The following CNTN6 variants were observed in gnomAD, a reference collection of about 807,000 sequenced individuals.
CNTN6 encodes the protein contactin 6.
In CNTN6, 137 loss-of-function variants were observed where a neutral mutation model predicts 122.8. The ratio of observed to expected loss-of-function variants is 1.12; its 90% CI spans 0.97 to 1.29. CNTN6 has a LOEUF of 1.29. Among genes scored for constraint, CNTN6 ranks in the 50% most tolerant of loss-of-function variants. CNTN6 has a pLI of 0.00. For synonymous variants in CNTN6, 570 were observed against 426.0 expected, an observed-to-expected ratio of 1.34 and a Z score of -4.16; for missense variants, 1,634 against 1,223.4, an observed-to-expected ratio of 1.34 and a Z score of -5.01.
intron 1 of CNTN6, among the ~76,000 whole-genome samples, chr3:1,122,305 T>C (rs1231980711): frequency 1.1e-5 from 1 of 88,894 alleles, no homozygotes; most frequent in Non-Finnish European, 2.3e-5. Context: ...GAGAAATAAA[T>C]AAAGGAAAAA....
chr3:1,316,721 G>C (rs957763784), intron 7 of CNTN6, among the ~76,000 whole-genome samples: 1 of 150,294 alleles, frequency 6.7e-6, no homozygotes. Flanking sequence ...AAACCTTATT[G>C]TAATTGTTAT....
At chr3:1,196,281 A>G (rs1011629655) in intron 2 of CNTN6, among the ~76,000 whole-genome samples, 1 of 151,918 alleles carries the variant, frequency 6.6e-6, no homozygotes, top group Non-Finnish European at 1.5e-5. Flanking sequence ...GAAAACCTTC[A>G]GCATAGTGGC....
At chr3:1,263,692 G>C (rs1212554587) in intron 4 of CNTN6, among the ~76,000 whole-genome samples, 1 of 151,986 alleles carries the variant, frequency 6.6e-6, no homozygotes, top group Non-Finnish European at 1.5e-5. Flanking sequence ...TATTAAACAT[G>C]TTCTTGTTGA....
intron 11 of CNTN6, among the ~76,000 whole-genome samples, chr3:1,330,625 A>T (rs899113735): frequency 2.0e-5 from 3 of 151,918 alleles, no homozygotes; most frequent in African/African-American, 7.2e-5. Context: ...CTCTATAATC[A>T]GATATGCAAT....
intron 1 of CNTN6, among the ~76,000 whole-genome samples, chr3:1,146,890 G>C (rs2092734507): frequency 6.6e-6 from 1 of 152,034 alleles, no homozygotes; most frequent in Admixed American, 6.6e-5. Flanking sequence ...GAAAAACATT[G>C]ACTCAATACC....
intron 2 of CNTN6, among the ~76,000 whole-genome samples, chr3:1,179,092 G>A (rs1293276245): frequency 6.6e-6 from 1 of 152,104 alleles, no homozygotes; most frequent in African/African-American, 2.4e-5. Context: ...ATGGGAGCAG[G>A]AGCATCACAT....
chr3:1,336,533 T>C (rs994897137), intron 11 of CNTN6, among the ~76,000 whole-genome samples: 3 of 152,138 alleles, frequency 2.0e-5, no homozygotes, highest in Admixed American at 6.6e-5. Context: ...CTGGACTCTC[T>C]GGAAACCAAT....
At chr3:1,223,054 A>G (rs2094230186) in intron 3 of CNTN6, among the ~76,000 whole-genome samples, 1 of 152,222 alleles carries the variant, frequency 6.6e-6, no homozygotes, top group Non-Finnish European at 1.5e-5. Context: ...TTCAGTTTTA[A>G]TATGACCCTT....
intron 11 of CNTN6, among the ~76,000 whole-genome samples, chr3:1,351,128 G>C (rs1705565519): frequency 3.3e-5 from 5 of 151,850 alleles, no homozygotes; most frequent in African/African-American, 1.2e-4. Flanking sequence ...ACAGAATTTG[G>C]AATCTGTTAT....
At chr3:1,260,688 A>T (rs933579921) in intron 4 of CNTN6, among the ~76,000 whole-genome samples, 2 of 152,040 alleles carry the variant, frequency 1.3e-5, no homozygotes, top group South Asian at 4.1e-4. Flanking sequence ...TAATTGAATC[A>T]TGGGGGCGGT....
intron 4 of CNTN6, among the ~76,000 whole-genome samples, chr3:1,277,194 A>G (rs955596576): frequency 2.0e-5 from 3 of 152,264 alleles, no homozygotes; most frequent in Non-Finnish European, 2.9e-5. Flanking sequence ...ACTTACCACA[A>G]TTTGTAAATG....
At chr3:1,132,819 C>T (rs370273882) in intron 1 of CNTN6, among the ~76,000 whole-genome samples, 7 of 152,008 alleles carry the variant, frequency 4.6e-5, no homozygotes, top group African/African-American at 1.4e-4. Flanking sequence ...TCAGCTTAAG[C>T]CTACTTACTT....
At chr3:1,349,018 C>G (rs368763317) in intron 11 of CNTN6, among the ~76,000 whole-genome samples, 1 of 151,902 alleles carries the variant, frequency 6.6e-6, no homozygotes, top group African/African-American at 2.4e-5. Context: ...ATTGTAACAC[C>G]TAACATACCG....
At chr3:1,365,399 C>T (rs1412884751) in intron 12 of CNTN6, among the ~76,000 whole-genome samples, 2 of 151,882 alleles carry the variant, frequency 1.3e-5, no homozygotes. Flanking sequence ...ATAATAGTCT[C>T]ATAAATATGT....
intron 7 of CNTN6, among the ~76,000 whole-genome samples, chr3:1,317,662 TCTC>T (rs1488687750): frequency 1.2e-4 from 18 of 151,668 alleles, no homozygotes; most frequent in Admixed American, 1.1e-3. Flanking sequence ...TGGAAAGAGA[TCTC>T]CTCTTCAAGA....
intron 2 of CNTN6, among the ~76,000 whole-genome samples, chr3:1,149,462 C>G (rs1442936504): frequency 1.3e-5 from 2 of 152,098 alleles, no homozygotes; most frequent in East Asian, 1.9e-4. Flanking sequence ...TTATAGCAAT[C>G]CTGAGAAATA....
At chr3:1,134,451 T>G (rs1333890222) in intron 1 of CNTN6, among the ~76,000 whole-genome samples, 1 of 152,112 alleles carries the variant, frequency 6.6e-6, no homozygotes, top group Non-Finnish European at 1.5e-5. Context: ...GTACTTTTTC[T>G]TCCCTCTAAA....
At chr3:1,099,217 C>G (rs200218785) in intron 1 of CNTN6, among the ~76,000 whole-genome samples, 1 of 151,824 alleles carries the variant, frequency 6.6e-6, no homozygotes, top group Non-Finnish European at 1.5e-5. Context: ...TTTGGGAGGC[C>G]GAGGCGGGCG....
Position 1,382,916 on chromosome 3 carries a change from C to G in CNTN6, c.2167-26C>G, listed in dbSNP as rs376870612. ...TTAATAAAATATTTTTGCAAATACT[C>G]AGTGATTGATCACATTCTGCCCAAG... On this transcript the variant is annotated intron_variant, in intron 17 of 22. Transcript: ENST00000446702. 4 of 1,501,920 alleles carry G rather than the reference C, an allele frequency of 2.7e-6. No individual in the cohort carries two copies. In the African/African-American group the frequency reaches 5.5e-5, roughly 21 times the overall value. The allele number at this position is 1,501,920 out of a possible 1,614,324, so 93.0% of individuals were successfully genotyped here.
Sources: gnomAD v4.1 joint callset for allele counts (sites outside exome capture counted in the v4.1 genomes callset) on GRCh38, gnomAD v4.1.1 for gene constraint, MANE v1.5 for transcripts, NCBI Gene and HGNC (gene_info 2026-07-23, HGNC 2026-07-21) for gene names.